KAZN: variants seen among roughly 807,000 people sequenced by gnomAD.
The protein encoded by KAZN is kazrin.
KAZN carries 40 observed loss-of-function variants against 87.4 expected under a neutral mutation model. That is an observed-to-expected ratio of 0.46 (90% CI 0.36 to 0.60). The LOEUF (loss-of-function observed/expected upper bound fraction) is 0.60, where lower values mean the gene tolerates loss of function less well. KAZN is among the 20% of genes least tolerant of loss of function. KAZN has a pLI of 0.00. For missense variants in KAZN, 898 were observed against 1,073.9 expected (o/e 0.84, Z 2.29); for synonymous variants, 466 against 458.3 (o/e 1.02, Z -0.22).
chr1:14,458,626 C>T (rs1357762059), intron 2 of KAZN, among the ~76,000 whole-genome samples: 2 of 152,154 alleles, frequency 1.3e-5, no homozygotes, highest in Non-Finnish European at 2.9e-5. Flanking sequence ...CTGGGACCTC[C>T]ACTTATGGCT....
At chr1:14,230,673 C>A (rs750105622) in intron 2 of KAZN, among the ~76,000 whole-genome samples, 1 of 152,132 alleles carries the variant, frequency 6.6e-6, no homozygotes, top group Non-Finnish European at 1.5e-5. Flanking sequence ...ACATGTGACT[C>A]CCCTGTAAGA....
chr1:15,088,429 C>A (rs916428461), intron 8 of KAZN, among the ~76,000 whole-genome samples: 19 of 152,026 alleles, frequency 1.2e-4, no homozygotes, highest in African/African-American at 4.6e-4. Flanking sequence ...GGATGCACAG[C>A]CTCTCGTTCC....
chr1:14,841,005 T>G (rs1368723454), intron 1 of KAZN, among the ~76,000 whole-genome samples: 2 of 152,228 alleles, frequency 1.3e-5, no homozygotes, highest in East Asian at 3.8e-4. Flanking sequence ...AGTGTAAGCA[T>G]GCACACATCT....
intron 1 of KAZN, among the ~76,000 whole-genome samples, chr1:13,918,719 A>G (rs894003317): frequency 1.3e-5 from 2 of 152,252 alleles, no homozygotes; most frequent in Non-Finnish European, 2.9e-5. Context: ...AGCCATTCCA[A>G]CCTTCAGCAA....
At chr1:13,953,596 C>T (rs1263584327) in intron 1 of KAZN, among the ~76,000 whole-genome samples, 1 of 151,914 alleles carries the variant, frequency 6.6e-6, no homozygotes, top group Non-Finnish European at 1.5e-5. Flanking sequence ...TGTTAGTAAC[C>T]CTTTCTTTCT....
chr1:14,877,967 A>G (rs1365814424), intron 1 of KAZN, among the ~76,000 whole-genome samples: 4 of 152,188 alleles, frequency 2.6e-5, no homozygotes, highest in African/African-American at 9.7e-5. Flanking sequence ...CCAGCAAATG[A>G]TGACTCAATG....
At chr1:14,962,286 T>A (rs1663966794) in intron 2 of KAZN, among the ~76,000 whole-genome samples, 1 of 152,182 alleles carries the variant, frequency 6.6e-6, no homozygotes, top group African/African-American at 2.4e-5. Flanking sequence ...CAGCAGTACA[T>A]GTTGCTTTCC....
chr1:14,557,131 C>T (rs1383987529), intron 2 of KAZN, among the ~76,000 whole-genome samples: 1 of 151,866 alleles, frequency 6.6e-6, no homozygotes, highest in Admixed American at 6.6e-5. Context: ...ATAACGTGGG[C>T]AAATAGTAAA....
chr1:14,081,731 A>T (rs1194464875), intron 1 of KAZN, among the ~76,000 whole-genome samples: 3 of 151,372 alleles, frequency 2.0e-5, no homozygotes, highest in African/African-American at 7.3e-5. Context: ...ACTTGTGTGC[A>T]CTCTGTCCCT....
At chr1:14,059,907 C>A (rs1642720501) in intron 1 of KAZN, among the ~76,000 whole-genome samples, 1 of 152,172 alleles carries the variant, frequency 6.6e-6, no homozygotes, top group African/African-American at 2.4e-5. Flanking sequence ...CCCCTGCTTT[C>A]CTTTGATTTA....
intron 2 of KAZN, among the ~76,000 whole-genome samples, chr1:14,370,429 T>G (rs1660385281): frequency 6.6e-6 from 1 of 152,152 alleles, no homozygotes; most frequent in Non-Finnish European, 1.5e-5. Context: ...TGAGGCTCAG[T>G]TCTCCTCTCC....
At chr1:13,946,334 A>C (rs1641146347) in intron 1 of KAZN, among the ~76,000 whole-genome samples, 1 of 152,308 alleles carries the variant, frequency 6.6e-6, no homozygotes, top group East Asian at 1.9e-4. Context: ...TTCTGGAGCC[A>C]GTCTTCCTGG....
chr1:14,681,657 ATTTTTTTTTTTTTTTTTTTTTTT>A (rs570137678), intron 1 of KAZN, among the ~76,000 whole-genome samples: 1 of 8,536 alleles, frequency 1.2e-4, no homozygotes, highest in African/African-American at 3.2e-4. Context: ...ATATATATAT[ATTTTTTTTTTTTTTTTTTTTTTT>A]TTTTTTTTTT....
intron 2 of KAZN, among the ~76,000 whole-genome samples, chr1:14,297,461 C>T (rs76233235): frequency 0.041 from 6,183 of 152,186 alleles, 155 homozygotes; most frequent in Middle Eastern, 0.071. Flanking sequence ...GCAGCCTCTG[C>T]GGTAGAGACA....
At chr1:14,487,038 T>G (rs900677597) in intron 2 of KAZN, among the ~76,000 whole-genome samples, 1 of 152,192 alleles carries the variant, frequency 6.6e-6, no homozygotes, top group South Asian at 2.1e-4. Context: ...ATGGTCTAGA[T>G]GAGATTCCAT....
At chr1:14,359,048 T>C (rs577279432) in intron 2 of KAZN, among the ~76,000 whole-genome samples, 1 of 152,294 alleles carries the variant, frequency 6.6e-6, no homozygotes, top group African/African-American at 2.4e-5. Context: ...TATTATTGTG[T>C]GGGAGTCTAA....
At chr1:13,911,161 G>T (rs1172045980) in intron 1 of KAZN, among the ~76,000 whole-genome samples, 1 of 152,166 alleles carries the variant, frequency 6.6e-6, no homozygotes, top group Non-Finnish European at 1.5e-5. Context: ...CAATTCTTCT[G>T]CCTCAGCCTC....
At chr1:14,521,541 T>C (rs1487866487) in intron 2 of KAZN, among the ~76,000 whole-genome samples, 4 of 152,246 alleles carry the variant, frequency 2.6e-5, no homozygotes, top group African/African-American at 9.6e-5. Context: ...TTTGAAGCTC[T>C]GGCCTATCTT....
intron 2 of KAZN, among the ~76,000 whole-genome samples, chr1:14,478,655 C>G (rs994396471): frequency 6.6e-6 from 1 of 152,222 alleles, no homozygotes; most frequent in African/African-American, 2.4e-5. Context: ...ACATATTTCA[C>G]TTCTTTTATG....
Sources: allele counts gnomAD v4.1 joint callset (sites outside exome capture counted in the v4.1 genomes callset), GRCh38; gene constraint gnomAD v4.1.1; transcripts MANE v1.5; gene names NCBI Gene and HGNC (gene_info 2026-07-23, HGNC 2026-07-21).